TMEM230: variants seen among roughly 807,000 people sequenced by gnomAD.
TMEM230 encodes UPF0414 transmembrane protein C20orf30.
In TMEM230, 10 loss-of-function variants were observed where a neutral mutation model predicts 15.8. The ratio of observed to expected loss-of-function variants is 0.63; its 90% confidence interval spans 0.39 to 1.07. The LOEUF (loss-of-function observed/expected upper bound fraction) is 1.07, where lower values mean the gene tolerates loss of function less well. Among genes scored for constraint, TMEM230 ranks in the 50% least tolerant of loss-of-function variants. TMEM230 has a pLI of 0.01. For missense variants in TMEM230, 165 were observed against 193.3 expected, an observed-to-expected ratio of 0.85 and a Z score of 0.87; for synonymous variants, 67 against 76.9, an observed-to-expected ratio of 0.87 and a Z score of 0.68.
At chr20:5,082,276 T>C (rs1419796077) in intron 3 of TMEM230, among the ~76,000 whole-genome samples, 1 of 151,778 alleles carries the variant, frequency 6.6e-6, no homozygotes, top group Non-Finnish European at 1.5e-5. Flanking sequence ...GGTCTTGCTC[T>C]GTTGCCCAGG....
rs985996912 is a variant in TMEM230 at position 5,111,851 on chromosome 20, GTTTTC to G, written c.69-251_69-247del. The G allele has an allele frequency of 6.4e-6, 6 of 935,984 alleles. No individual in the cohort carries two copies. The African/African-American group carries it at 1.1e-4, about 17-fold the overall frequency. The allele number at this position is 935,984 out of a possible 1,614,324, so 58.0% of individuals were successfully genotyped here. ...CAAATTGTTTTTCTTTTTTTTTGGT[GTTTTC>G]TTTTTTTTGAGACGGAGTCTCGCTC... On this transcript the variant is annotated intron_variant, in intron 1 of 4. Coordinates refer to ENST00000342308, the MANE Select transcript of TMEM230 (RefSeq NM_001009923.2).
At chr20:5,083,889 G>A (rs897814144) in intron 3 of TMEM230, among the ~76,000 whole-genome samples, 8 of 152,234 alleles carry the variant, frequency 5.3e-5, no homozygotes, top group Non-Finnish European at 7.3e-5. Flanking sequence ...GGGAATACAT[G>A]TGCAAGTTTG....
At chr20:5,066,670 CAAAAAAA>C (rs71332869), downstream of TMEM230, among the ~76,000 whole-genome samples, 1 of 90,818 alleles carries the variant, frequency 1.1e-5, no homozygotes, top group Non-Finnish European at 2.3e-5. Flanking sequence ...GACTCTGTCT[CAAAAAAA>C]AAAAAAAAAA....
At chr20:5,108,285 G>T (rs1165518280) in intron 3 of TMEM230, among the ~76,000 whole-genome samples, 1 of 152,028 alleles carries the variant, frequency 6.6e-6, no homozygotes, top group Non-Finnish European at 1.5e-5. Context: ...TGGGCGTGGT[G>T]GCGCATGCCC....
rs45610034 is a variant in TMEM230 at position 5,100,045 on chromosome 20, C to T, written c.*746G>A. On this transcript the variant is annotated 3_prime_UTR_variant, in exon 5 of 5. Transcript: ENST00000342308. ...AAGGTGCTAGCAATACGGCTATAAA[C>T]TCTAAATAATAACCACTACATGTTT... The T allele has an allele frequency of 0.011, 10,459 of 985,346 alleles. 69 individuals are homozygous for T. Among genetic ancestry groups the T allele is most frequent in the South Asian group, 0.015 (315 of 21,286 alleles). The allele number at this position is 985,346 out of a possible 1,614,324, so 61.0% of individuals were successfully genotyped here. A position where few individuals can be genotyped will look rare whatever the true frequency, so the allele number is the denominator to read the frequency against.
intron 3 of TMEM230, among the ~76,000 whole-genome samples, chr20:5,088,330 G>T (rs886983842): frequency 1.9e-4 from 28 of 149,518 alleles, no homozygotes; most frequent in African/African-American, 6.9e-4. Flanking sequence ...AAAAAAAAAG[G>T]TTTCAAACAC....
intron 3 of TMEM230, among the ~76,000 whole-genome samples, chr20:5,079,693 C>T (rs1005697786): frequency 7.9e-5 from 12 of 151,972 alleles, no homozygotes; most frequent in African/African-American, 1.7e-4. Flanking sequence ...TGGTCACTCA[C>T]GACTGAAATT....
At chr20:5,099,420 C>G (rs992561523), downstream of TMEM230, among the ~76,000 whole-genome samples, 10 of 151,880 alleles carry the variant, frequency 6.6e-5, no homozygotes, top group African/African-American at 2.4e-4. Flanking sequence ...CCAAAAGTCC[C>G]TAATCTTGGA....
chr20:5,100,927 GC>G lies in TMEM230; in HGVS notation c.415del (p.Ala139GlnfsTer8). 1.2e-6 allele frequency: 2 copies of G among 1,614,022 alleles called. No homozygotes were observed. Among genetic ancestry groups the G allele is most frequent in the Non-Finnish European group, 1.7e-6 (2 of 1,179,942 alleles). ...GATCAGCACTGGAACGGCCCGGTCT[GC>G]CCCCTGGTGGCAGAAGGAGGCAAAC... On this transcript the variant is annotated frameshift_variant, in exon 5 of 5. Coordinates refer to ENST00000342308, the MANE Select transcript of TMEM230 (RefSeq NM_001009923.2). LOFTEE classifies it high-confidence loss of function.
In TMEM230 at chr20:5,102,294, C is replaced by T. The variant is rs546573035; in HGVS notation, c.412-1363G>A. ...TTGAACAATGAAAAAAATCTAAAAC[C>T]TGAATAGACAAAGAGTAATGAGATT... On this transcript the variant is annotated intron_variant, in intron 4 of 4. Coordinates refer to ENST00000342308, the MANE Select transcript of TMEM230 (RefSeq NM_001009923.2). Among the ~76,000 whole-genome samples, 9 of 152,130 alleles carry T rather than the reference C, an allele frequency of 5.9e-5. No homozygotes were observed. The East Asian group carries it at 1.7e-3, about 29-fold the overall frequency.
chr20:5,096,333 T>A (rs893726714), downstream of TMEM230, among the ~76,000 whole-genome samples: 2 of 152,194 alleles, frequency 1.3e-5, no homozygotes, highest in Non-Finnish European at 2.9e-5. Context: ...ATCCTCACAA[T>A]CACCTTGTGA....
chr20:5,099,472 GTT>G (rs5840075), downstream of TMEM230, among the ~76,000 whole-genome samples: 2 of 145,212 alleles, frequency 1.4e-5, no homozygotes, highest in Admixed American at 6.9e-5. Flanking sequence ...CACTTCCTGA[GTT>G]TTTTTTTTTT....
chr20:5,095,722 G>A (rs2089647585), downstream of TMEM230, among the ~76,000 whole-genome samples: 1 of 152,130 alleles, frequency 6.6e-6, no homozygotes, highest in African/African-American at 2.4e-5. Flanking sequence ...TAACAGGTAG[G>A]GTTCTTGACA....
chr20:5,066,573 G>A (rs1447599861), downstream of TMEM230, among the ~76,000 whole-genome samples: 1 of 151,084 alleles, frequency 6.6e-6, no homozygotes, highest in African/African-American at 2.4e-5. Flanking sequence ...TTGGGAGGCT[G>A]AAGCAGGAGA....
At chr20:5,108,042 G>C (rs1044001587) in intron 3 of TMEM230, among the ~76,000 whole-genome samples, 3 of 152,006 alleles carry the variant, frequency 2.0e-5, no homozygotes, top group Non-Finnish European at 2.9e-5. Flanking sequence ...TGAACCAGGA[G>C]GGGGAGGTTG....
downstream of TMEM230, among the ~76,000 whole-genome samples, chr20:5,067,791 ACT>A: frequency 2.4e-5 from 3 of 123,048 alleles, no homozygotes; most frequent in African/African-American, 9.5e-5. Context: ...ACAGAGTCTC[ACT>A]CTGTTGCCCA....
At position 5,112,983 on chromosome 20, in the gene TMEM230, C is replaced by T. The variant is rs1272596579; in HGVS notation, c.46G>A (p.Gly16Arg). 4 of 1,550,794 alleles carry T rather than the reference C, an allele frequency of 2.6e-6. No homozygotes were observed. In the East Asian group the frequency reaches 7.3e-5, roughly 28 times the overall value. ...TACCGGAGCGCCGCGCCAGGCCGCC[C>T]GCACACCCAGAGCTCGCCCACGGTT... The change falls in exon 1 of 5, where the codon GGG becomes AGG. Residue 16 changes from glycine to arginine, a missense_variant. By Grantham distance (125) the Gly-to-Arg change is moderately radical. Coordinates refer to ENST00000342308, the MANE Select transcript of TMEM230 (RefSeq NM_001009923.2).
chr20:5,092,609 G>A (rs1176241210), intron 3 of TMEM230, among the ~76,000 whole-genome samples: 1 of 151,900 alleles, frequency 6.6e-6, no homozygotes, highest in East Asian at 1.9e-4. Flanking sequence ...CCAGCTACTT[G>A]GGAGGTTGAG....
At position 5,106,294 on chromosome 20, in the gene TMEM230, G is replaced by A; in HGVS notation, c.305C>T (p.Pro102Leu). 1.2e-6 allele frequency: 2 copies of A among 1,606,072 alleles called. No individual in the cohort carries two copies. The highest frequency in any genetic ancestry group is 2.2e-5 in the East Asian group (1 of 44,778). The change falls in exon 4 of 5, where the codon CCT becomes CTT. Residue 102 changes from proline to leucine, a missense_variant. Coordinates refer to ENST00000342308, the MANE Select transcript of TMEM230 (RefSeq NM_001009923.2). Reference sequence around the variant, plus strand: ...TGCGATGGCCTTATAAGGGATCTTAGGAGGGGTTTTCTTAAACTGGAAGAG... The same window carrying A: ...TGCGATGGCCTTATAAGGGATCTTAAGAGGGGTTTTCTTAAACTGGAAGAG...
Sources: gnomAD v4.1 joint callset for allele counts (sites outside exome capture counted in the v4.1 genomes callset) on GRCh38, gnomAD v4.1.1 for gene constraint, MANE v1.5 for transcripts, NCBI Gene and HGNC (gene_info 2026-07-23, HGNC 2026-07-21) for gene names.